TNKS: variants seen among roughly 807,000 people sequenced by gnomAD.
The protein encoded by TNKS is tankyrase, also known as poly [ADP-ribose] polymerase tankyrase-1.
A neutral mutation model predicts 135.8 loss-of-function variants in TNKS; 72 were observed. The ratio of observed to expected loss-of-function variants is 0.53; its 90% CI spans 0.44 to 0.64. The LOEUF is 0.64. Ranked by LOEUF, TNKS falls within the 30% of genes least tolerant of loss-of-function variation. The pLI is 0.00. For missense variants in TNKS, 1,769 were observed against 1,674.0 expected (o/e 1.06, Z -0.99); for synonymous variants, 849 against 649.3 (o/e 1.31, Z -4.68).
intron 13 of TNKS, among the ~76,000 whole-genome samples, chr8:9,730,000 C>T (rs1805353562): frequency 6.6e-6 from 1 of 152,088 alleles, no homozygotes; most frequent in African/African-American, 2.4e-5. Flanking sequence ...TGGTCTCGAT[C>T]TCTTGACCTC....
At chr8:9,750,682 T>C (rs907746437) in intron 18 of TNKS, among the ~76,000 whole-genome samples, 3 of 152,156 alleles carry the variant, frequency 2.0e-5, no homozygotes, top group Non-Finnish European at 4.4e-5. Flanking sequence ...CAGGTACTGG[T>C]GTGCATTTCA....
chr8:9,568,132 C>G (rs367572324), intron 1 of TNKS, among the ~76,000 whole-genome samples: 1 of 152,298 alleles, frequency 6.6e-6, no homozygotes, highest in East Asian at 1.9e-4. Context: ...TAGACCTTCT[C>G]TGTCAGTATG....
chr8:9,631,522 A>G (rs995655592), intron 3 of TNKS, among the ~76,000 whole-genome samples: 1 of 152,318 alleles, frequency 6.6e-6, no homozygotes, highest in Non-Finnish European at 1.5e-5. Flanking sequence ...GCATTCTATC[A>G]TTTTGATAAA....
At chr8:9,616,761 C>T (rs1454641762) in intron 3 of TNKS, among the ~76,000 whole-genome samples, 1 of 152,080 alleles carries the variant, frequency 6.6e-6, no homozygotes, top group African/African-American at 2.4e-5. Context: ...TATTTAGTTG[C>T]TGGATAACAG....
At chr8:9,718,729 C>G (rs1249844637) in intron 11 of TNKS, among the ~76,000 whole-genome samples, 2 of 152,142 alleles carry the variant, frequency 1.3e-5, no homozygotes, top group Non-Finnish European at 2.9e-5. Context: ...TATTCTGACT[C>G]CTGAATGGAT....
rs758859317 is a variant in TNKS, at chr8:9,615,616, G to C, written c.933G>C (p.Arg311=). ...AGCACGGAGCTGACCCAAACATTCG[G>C]AACACTGATGGGAAATCAGCCCTGG... is the stretch of plus-strand genomic sequence containing the variant. ...LLQHGADPNI[R]NTDGKSALDL... Residue 311 remains arginine (R), a synonymous_variant, in exon 3 of 27, where the codon CGG becomes CGC. Coordinates refer to ENST00000310430, the MANE Select transcript of TNKS (RefSeq NM_003747.3). 1.2e-6 allele frequency: 2 copies of C among 1,613,622 alleles called. No individual in the cohort carries two copies. Among genetic ancestry groups the C allele is most frequent in the Non-Finnish European group, 1.7e-6 (2 of 1,179,856 alleles).
At chr8:9,663,466 T>G (rs999490449) in intron 3 of TNKS, among the ~76,000 whole-genome samples, 7 of 152,214 alleles carry the variant, frequency 4.6e-5, no homozygotes, top group Non-Finnish European at 1.0e-4. Flanking sequence ...ATTTGCAAGT[T>G]TTTCCTACCA....
intron 3 of TNKS, chr8:9,670,598 T>C (rs1802230730): frequency 6.6e-6 from 1 of 152,218 alleles, no homozygotes. Context: ...TTGGGTGTGC[T>C]GGTATAAACT....
At chr8:9,604,313 C>T (rs1280495342) in intron 2 of TNKS, among the ~76,000 whole-genome samples, 3 of 151,938 alleles carry the variant, frequency 2.0e-5, no homozygotes, top group Non-Finnish European at 4.4e-5. Flanking sequence ...TTTACTCTTG[C>T]CATTTATTTA....
chr8:9,572,828 A>C (rs1289181436), intron 1 of TNKS, among the ~76,000 whole-genome samples: 3 of 152,196 alleles, frequency 2.0e-5, no homozygotes, highest in Non-Finnish European at 2.9e-5. Context: ...TGGAACCGCT[A>C]GTGTTAAACT....
chr8:9,575,340 C>G, intron 1 of TNKS: 1 of 960,582 alleles, frequency 1.0e-6, no homozygotes, highest in Non-Finnish European at 1.2e-6. Flanking sequence ...CTGCTTCGGC[C>G]TCCCTAAATT....
intron 3 of TNKS, among the ~76,000 whole-genome samples, chr8:9,659,986 G>A (rs1023946098): frequency 6.6e-6 from 1 of 152,172 alleles, no homozygotes; most frequent in South Asian, 2.1e-4. Context: ...AGAAAATCTA[G>A]AAGAAATGGA....
At chr8:9,741,222 C>G (rs1044588470) in intron 17 of TNKS, 2 of 152,798 alleles carry the variant, frequency 1.3e-5, no homozygotes, top group African/African-American at 4.8e-5. Context: ...TCTACTAATC[C>G]TTTTGCTAAG....
chr8:9,771,612 A>G (rs1807874027), intron 26 of TNKS, among the ~76,000 whole-genome samples: 1 of 115,088 alleles, frequency 8.7e-6, no homozygotes, highest in Non-Finnish European at 1.8e-5. Context: ...GAAGGGAGGA[A>G]GAGAGGAAGG....
rs917967421 is a variant in TNKS at position 9,640,767 on chromosome 8, C to G, written c.994+25090C>G. Among the ~76,000 whole-genome samples the G allele has an allele frequency of 9.6e-5, 14 of 145,728 alleles. 3 individuals are homozygous for G. The highest frequency in any genetic ancestry group is 2.3e-4 in the African/African-American group (9 of 39,278). On this transcript the variant is annotated intron_variant, in intron 3 of 26. Transcript: ENST00000310430. ...AACAATTTCATGGAATATAAATAAT[C>G]AGATCAGGTCACCTGAGACCATGAT...
At chr8:9,763,998 C>T (rs1286547928) in intron 22 of TNKS, among the ~76,000 whole-genome samples, 1 of 152,066 alleles carries the variant, frequency 6.6e-6, no homozygotes, top group Admixed American at 6.5e-5. Context: ...TCATACGTAG[C>T]GCATCAGGAA....
intron 20 of TNKS, among the ~76,000 whole-genome samples, chr8:9,761,000 G>C (rs904363962): frequency 1.3e-5 from 2 of 152,166 alleles, no homozygotes; most frequent in Admixed American, 1.3e-4. Context: ...TGCTTTTTAA[G>C]GAAGCCTGTC....
At chr8:9,620,760 T>A (rs1799836105) in intron 3 of TNKS, among the ~76,000 whole-genome samples, 1 of 152,254 alleles carries the variant, frequency 6.6e-6, no homozygotes, top group Admixed American at 6.5e-5. Context: ...TTCAAACGTC[T>A]GCTCCTCAAA....
At chr8:9,776,584 A>G in intron 26 of TNKS, 66 bp from the exon 27 acceptor site, 1 of 1,486,544 alleles carries the variant, frequency 6.7e-7, no homozygotes, top group Non-Finnish European at 9.4e-7. Context: ...AGGCTTCCAC[A>G]TTCGGCAAGG....
Sources: allele counts gnomAD v4.1 joint callset (sites outside exome capture counted in the v4.1 genomes callset), GRCh38; gene constraint gnomAD v4.1.1; transcripts MANE v1.5; gene names NCBI Gene and HGNC (gene_info 2026-07-23, HGNC 2026-07-21).